Variants in STXBP6 observed in about 807,000 individuals in gnomAD.
STXBP6 encodes the protein syntaxin binding protein 6.
STXBP6 carries 21 observed loss-of-function variants against 26.9 expected under a neutral mutation model. The observed-to-expected ratio is 0.78, with a 90% CI of 0.55 to 1.12. The LOEUF (loss-of-function observed/expected upper bound fraction) is 1.12, where lower values mean the gene tolerates loss of function less well. Ranked by LOEUF, STXBP6 falls within the 50% of genes most tolerant of loss-of-function variation. The pLI, the probability that STXBP6 is intolerant of heterozygous loss-of-function variation, is 0.00. For missense variants in STXBP6, 232 were observed against 257.9 expected, an observed-to-expected ratio of 0.90 and a Z score of 0.69; for synonymous variants, 97 against 92.6, an observed-to-expected ratio of 1.05 and a Z score of -0.27.
chr14:24,904,128 T>C (rs2071306027), intron 2 of STXBP6, among the ~76,000 whole-genome samples: 1 of 152,154 alleles, frequency 6.6e-6, no homozygotes, highest in South Asian at 2.1e-4. Context: ...CTCTTGTGAG[T>C]GGCCTTGTCA....
intron 1 of STXBP6, among the ~76,000 whole-genome samples, chr14:25,013,457 ATC>A (rs1283989231): frequency 1.4e-5 from 2 of 137,978 alleles, no homozygotes; most frequent in Admixed American, 7.2e-5. Flanking sequence ...GGCTATCAAC[ATC>A]TCTCTTTCAC....
chr14:24,858,960 G>A (rs1486321066), intron 2 of STXBP6, among the ~76,000 whole-genome samples: 1 of 152,078 alleles, frequency 6.6e-6, no homozygotes, highest in East Asian at 1.9e-4. Context: ...GAAACATAAA[G>A]GCTTTCTTTC....
chr14:24,904,961 A>C (rs759305848), intron 2 of STXBP6, among the ~76,000 whole-genome samples: 5 of 152,220 alleles, frequency 3.3e-5, no homozygotes, highest in Admixed American at 3.3e-4. Flanking sequence ...GGATGTTGAA[A>C]GACCCCAGGA....
At chr14:24,832,690 C>T (rs1214658579) in intron 4 of STXBP6, among the ~76,000 whole-genome samples, 1 of 152,160 alleles carries the variant, frequency 6.6e-6, no homozygotes, top group Non-Finnish European at 1.5e-5. Flanking sequence ...AATCAAATTA[C>T]TATCAATTAC....
intron 1 of STXBP6, among the ~76,000 whole-genome samples, chr14:25,021,803 G>A (rs1336762207): frequency 1.3e-5 from 2 of 152,126 alleles, no homozygotes; most frequent in African/African-American, 4.8e-5. Context: ...TATACAAGGG[G>A]TCAAAGGCCT....
chr14:24,817,495 C>T (rs2068011228), intron 5 of STXBP6: 1 of 155,966 alleles, frequency 6.4e-6, no homozygotes, highest in Non-Finnish European at 1.4e-5. Context: ...ATCACCCTTC[C>T]CAGAACTGAA....
At chr14:24,992,332 G>A (rs2074494476) in intron 1 of STXBP6, among the ~76,000 whole-genome samples, 1 of 151,694 alleles carries the variant, frequency 6.6e-6, no homozygotes, top group East Asian at 1.9e-4. Context: ...CCACAAACAA[G>A]ACCATGACCA....
chr14:24,812,766 TTATTAGCAGG>T (rs762260733), intron 5 of STXBP6, 34 bp from the exon 6 acceptor site: 1 of 1,611,426 alleles, frequency 6.2e-7, no homozygotes, highest in South Asian at 1.1e-5. Flanking sequence ...AAGTAAGACT[TTATTAGCAGG>T]TATTAGCAGA....
intron 2 of STXBP6, among the ~76,000 whole-genome samples, chr14:24,870,501 T>C (rs1262945363): frequency 6.6e-6 from 1 of 152,216 alleles, no homozygotes; most frequent in Admixed American, 6.5e-5. Flanking sequence ...ACGTTTATTC[T>C]CCACTCCAAA....
intron 1 of STXBP6, among the ~76,000 whole-genome samples, chr14:25,035,318 A>G (rs1032637034): frequency 1.3e-5 from 2 of 152,116 alleles, no homozygotes; most frequent in East Asian, 3.9e-4. Flanking sequence ...CATTAGCTAC[A>G]CCCACTCAAA....
intron 4 of STXBP6, among the ~76,000 whole-genome samples, chr14:24,831,751 C>CT (rs1267580499): frequency 6.6e-6 from 1 of 152,182 alleles, no homozygotes; most frequent in African/African-American, 2.4e-5. Flanking sequence ...AATTCAAATT[C>CT]TATCTCAAAC....
At chr14:24,903,464 C>A (rs2071282683) in intron 2 of STXBP6, among the ~76,000 whole-genome samples, 1 of 152,114 alleles carries the variant, frequency 6.6e-6, no homozygotes, top group African/African-American at 2.4e-5. Flanking sequence ...ATAGTGTAAG[C>A]CACTTAAGAA....
At chr14:24,835,225 C>T (rs928743778) in intron 4 of STXBP6, among the ~76,000 whole-genome samples, 1 of 152,160 alleles carries the variant, frequency 6.6e-6, no homozygotes, top group East Asian at 1.9e-4. Flanking sequence ...CCCTGAATCA[C>T]CACTTAGAAG....
chr14:24,917,416 A>C lies in STXBP6; in HGVS notation c.154+57249T>G, dbSNP rs529036201. Among the ~76,000 whole-genome samples, 105 of 152,226 alleles carry C rather than the reference A, an allele frequency of 6.9e-4. 1 individual carries two copies. The highest frequency in any genetic ancestry group is 2.5e-3 in the African/African-American group (102 of 41,550). Reference sequence around the variant, plus strand: ...CTGTCACCAGCACTGGAAGCTACAAACATGGAGCACAGCTTTAGCAACAAC... The same window carrying C: ...CTGTCACCAGCACTGGAAGCTACAACCATGGAGCACAGCTTTAGCAACAAC... On this transcript the variant is annotated intron_variant, in intron 2 of 5. Transcript: ENST00000323944.
intron 1 of STXBP6, among the ~76,000 whole-genome samples, chr14:24,976,852 CTTTTTTTTT>C (rs71121808): frequency 4.2e-4 from 19 of 45,278 alleles, no homozygotes; most frequent in South Asian, 1.3e-3. Context: ...ACTGGGCGCT[CTTTTTTTTT>C]TTTTTTTTTT....
intron 2 of STXBP6, among the ~76,000 whole-genome samples, chr14:24,908,396 T>A (rs2071456735): frequency 6.6e-6 from 1 of 152,184 alleles, no homozygotes; most frequent in Non-Finnish European, 1.5e-5. Flanking sequence ...TTTGCTTTCA[T>A]AAGAGCCAGA....
chr14:24,956,138 T>G (rs1221426078), intron 2 of STXBP6, among the ~76,000 whole-genome samples: 1 of 151,700 alleles, frequency 6.6e-6, no homozygotes, highest in African/African-American at 2.4e-5. Context: ...AAGAAAACAG[T>G]GGCTACTAGG....
intron 2 of STXBP6, among the ~76,000 whole-genome samples, chr14:24,874,383 T>A (rs1470654681): frequency 6.6e-6 from 1 of 152,124 alleles, no homozygotes; most frequent in Non-Finnish European, 1.5e-5. Context: ...AACATTTCCA[T>A]AGAGTGTTGC....
chr14:24,904,967 C>G (rs1263660621), intron 2 of STXBP6, among the ~76,000 whole-genome samples: 1 of 152,154 alleles, frequency 6.6e-6, no homozygotes, highest in Non-Finnish European at 1.5e-5. Flanking sequence ...TGAAAGACCC[C>G]AGGATGAGAG....
Sources: allele counts gnomAD v4.1 joint callset (sites outside exome capture counted in the v4.1 genomes callset), GRCh38; gene constraint gnomAD v4.1.1; transcripts MANE v1.5; gene names NCBI Gene and HGNC (gene_info 2026-07-23, HGNC 2026-07-21).